Variants in SULT1C3 observed in about 807,000 individuals in gnomAD.
SULT1C3 encodes sulfotransferase family 1C member 3, also known as sulfotransferase 1C3.
Under a neutral mutation model 28.4 loss-of-function variants are expected in SULT1C3, and 31 were observed. The ratio of observed to expected loss-of-function variants is 1.09; its 90% CI spans 0.82 to 1.47. SULT1C3 has a LOEUF of 1.47. SULT1C3 is among the 40% of genes most tolerant of loss of function. The pLI is 0.00. For synonymous variants in SULT1C3, 106 were observed against 92.2 expected (o/e 1.15, Z -0.86); for missense variants, 307 against 272.5 (o/e 1.13, Z -0.89).
At position 108,258,772 on chromosome 2, in the gene SULT1C3, T is replaced by C. The variant is rs1309507362; in HGVS notation, c.565T>C (p.Trp189Arg). Residue 189 changes from tryptophan (W) to arginine (R), a missense_variant, in exon 6 of 8, where the codon TGG becomes CGG. By Grantham distance (101) the Trp-to-Arg change is moderately radical (BLOSUM62 -3). Transcript: ENST00000681802. ...GSWFDHVKGW[W>R]AAKDMHRILY... ...CTGGTTTGACCATGTGAAAGGATGG[T>C]GGGCTGCAAAAGACATGCACCGGAT... 6 of 1,613,010 alleles carry C rather than the reference T, an allele frequency of 3.7e-6. No individual in the cohort carries two copies. The Admixed American group carries it at 8.3e-5, about 22-fold the overall frequency.
At chr2:108,255,238 G>A (rs1675838942) in intron 4 of SULT1C3, among the ~76,000 whole-genome samples, 1 of 151,914 alleles carries the variant, frequency 6.6e-6, no homozygotes, top group South Asian at 2.1e-4. Context: ...GGAATGCTTT[G>A]TCACTGGCTC....
At chr2:108,263,576 T>C (rs982472012), downstream of SULT1C3, among the ~76,000 whole-genome samples, 2 of 152,180 alleles carry the variant, frequency 1.3e-5, no homozygotes, top group Non-Finnish European at 2.9e-5. Flanking sequence ...GCAGCATTGG[T>C]ATAGGGGAGG....
intron 1 of SULT1C3, among the ~76,000 whole-genome samples, chr2:108,245,171 C>T (rs376740450): frequency 6.6e-6 from 1 of 152,208 alleles, no homozygotes; most frequent in Non-Finnish European, 1.5e-5. Flanking sequence ...CCACCCATGA[C>T]TGCAGACATG....
chr2:108,257,705 A>G (rs2104391694), intron 5 of SULT1C3, among the ~76,000 whole-genome samples: 1 of 152,214 alleles, frequency 6.6e-6, no homozygotes, highest in East Asian at 1.9e-4. Context: ...AGTGCCTAAT[A>G]TAAAAATTAA....
Position 108,247,296 on chromosome 2 carries a change from A to G in SULT1C3, c.102A>G (p.Glu34=). The change falls in exon 2 of 8, where the codon GAA becomes GAG. Residue 34 remains glutamate (E), a synonymous_variant. Transcript: ENST00000681802. ...DGVPTLILSK[E]WWEKVCNFQA... ...TCCCTACGTTGATATTATCAAAAGA[A>G]TGGTGGGAAAAAGTATGTAATTTCC... 6.2e-7 allele frequency: 1 copy of G among 1,600,938 alleles called. No individual in the cohort carries two copies. Among genetic ancestry groups the G allele is most frequent in the Non-Finnish European group, 8.5e-7 (1 of 1,172,678 alleles).
chr2:108,253,193 G>A (rs558304845), intron 3 of SULT1C3, 152 bp from the exon 4 acceptor site: 106 of 414,612 alleles, frequency 2.6e-4, no homozygotes, highest in Non-Finnish European at 3.8e-4. Flanking sequence ...GGCAGGATTG[G>A]ATGCTTTGTA....
At chr2:108,260,279 C>T (rs1675988419) in intron 7 of SULT1C3, among the ~76,000 whole-genome samples, 1 of 152,112 alleles carries the variant, frequency 6.6e-6, no homozygotes, top group Non-Finnish European at 1.5e-5. Context: ...GGGTTGGGTA[C>T]ACTAGAGCCA....
At chr2:108,254,783 GTATATATGTATGTATGCA>G (rs1558664909) in intron 4 of SULT1C3, among the ~76,000 whole-genome samples, 1 of 150,362 alleles carries the variant, frequency 6.7e-6, no homozygotes, top group African/African-American at 2.4e-5. Flanking sequence ...GCATATATAT[GTATATATGTATGTATGCA>G]TATATATGTA....
At position 108,259,914 on chromosome 2, in the gene SULT1C3, A is replaced by C. The variant is rs145134906; in HGVS notation, c.803-654A>C. Among the ~76,000 whole-genome samples the C allele has an allele frequency of 2.4e-3, 359 of 152,274 alleles. 2 individuals are homozygous for C. Among genetic ancestry groups the C allele is most frequent in the Middle Eastern group, 0.017 (5 of 294 alleles). On this transcript the variant is annotated intron_variant, in intron 7 of 7. Transcript: ENST00000681802. ...CCTTTAAAAACAGTGACCCCATTCC[A>C]GAACATTCCAATTAACTAGTTGCAA... is the stretch of plus-strand genomic sequence containing the variant.
chr2:108,241,970 C>T (rs895064743), intron 1 of SULT1C3, among the ~76,000 whole-genome samples: 1 of 151,120 alleles, frequency 6.6e-6, no homozygotes, highest in Non-Finnish European at 1.5e-5. Context: ...GGTTAGTAAG[C>T]GATTTTAATT....
chr2:108,249,766 A>G (rs917898763), intron 2 of SULT1C3, among the ~76,000 whole-genome samples: 2 of 151,812 alleles, frequency 1.3e-5, no homozygotes, highest in African/African-American at 4.9e-5. Context: ...AATGTCATTA[A>G]AAGCAAATAT....
Position 108,260,658 on chromosome 2 carries a change from T to C in SULT1C3, c.893T>C (p.Leu298Pro), listed in dbSNP as rs769104505. ...HYEKKMAGST[L>P]NFCLEI ...GAAAAGAAGATGGCAGGGTCCACAC[T>C]GAACTTCTGCCTGGAGATCTGAGAG... is the stretch of plus-strand genomic sequence containing the variant. The change falls in exon 8 of 8, where the codon CTG (leucine) becomes CCG (proline). Residue 298 changes from leucine to proline, a missense_variant. Transcript: ENST00000681802. 1 of 475,570 alleles carries C rather than the reference T, an allele frequency of 2.1e-6. No individual in the cohort carries two copies. The highest frequency in any genetic ancestry group is 2.0e-5 in the African/African-American group (1 of 51,072). 29.5% of individuals were successfully genotyped at this position (475,570 alleles called of 1,614,324 possible).
downstream of SULT1C3, chr2:108,264,937 C>T (rs756963993): frequency 1.2e-6 from 2 of 1,613,930 alleles, no homozygotes; most frequent in East Asian, 2.2e-5. Context: ...AAGCAAAACC[C>T]AATGACCAAC....
intron 5 of SULT1C3, among the ~76,000 whole-genome samples, chr2:108,257,597 T>C (rs1675906170): frequency 6.6e-6 from 1 of 151,952 alleles, no homozygotes; most frequent in Admixed American, 6.6e-5. Context: ...GAAAGAAGGA[T>C]AGAGAGAGGG....
chr2:108,252,623 G>A, intron 3 of SULT1C3, 130 bp downstream of exon 3: 1 of 1,105,926 alleles, frequency 9.0e-7, no homozygotes, highest in Non-Finnish European at 1.2e-6. Flanking sequence ...TTTGTTCTCA[G>A]GCCAACAATC....
intron 1 of SULT1C3, among the ~76,000 whole-genome samples, chr2:108,242,848 C>T (rs759613926): frequency 2.7e-4 from 41 of 152,090 alleles, no homozygotes; most frequent in Non-Finnish European, 4.9e-4. Flanking sequence ...CTCATGCATG[C>T]ATTAGGAGTG....
Position 108,247,356 on chromosome 2 carries a change from C to T in SULT1C3, c.162C>T (p.Tyr54=), listed in dbSNP as rs560594521. 1 of 1,548,292 alleles carries T rather than the reference C, an allele frequency of 6.5e-7. No homozygotes were observed. The highest frequency in any genetic ancestry group is 2.3e-5 in the East Asian group (1 of 43,114). The part of the protein sequence containing the change: ...AKPDDLILAT[Y]PKSGTTWMHE... ...CTGATGATCTTATTCTGGCAACTTA[C>T]CCAAAGTCAGGTAAGGGTAGCAAAA... The change falls in exon 2 of 8, where the codon TAC becomes TAT. Residue 54 remains tyrosine, a synonymous_variant. Transcript: ENST00000681802.
Position 108,260,799 on chromosome 2 carries a change from G to A in SULT1C3, c.*119G>A. 2 of 327,930 alleles carry A rather than the reference G, an allele frequency of 6.1e-6. No individual in the cohort carries two copies. The highest frequency in any genetic ancestry group is 2.6e-5 in the South Asian group (1 of 37,974). The allele number at this position is 327,930 out of a possible 1,614,324, so 20.3% of individuals were successfully genotyped here. A position where few individuals can be genotyped will look rare whatever the true frequency, so the allele number is the denominator to read the frequency against. ...TGAGCTTCAGTCCATCTCCTATAGT[G>A]TGGCTAGTTTGCTATAATATTAAAA... On this transcript the variant is annotated 3_prime_UTR_variant, in exon 8 of 8. Transcript: ENST00000681802.
chr2:108,255,482 A>G, intron 4 of SULT1C3, 90 bp from the exon 5 acceptor site: 4 of 1,418,396 alleles, frequency 2.8e-6, no homozygotes, highest in South Asian at 1.3e-5. Flanking sequence ...CTTATAGGAT[A>G]TGGTTACCAT....
Sources: allele counts gnomAD v4.1 joint callset (sites outside exome capture counted in the v4.1 genomes callset), GRCh38; gene constraint gnomAD v4.1.1; transcripts MANE v1.5; gene names NCBI Gene and HGNC (gene_info 2026-07-23, HGNC 2026-07-21).